The following THSD7B variants were observed in gnomAD, a reference collection of about 807,000 sequenced individuals.
THSD7B encodes the protein thrombospondin type 1 domain containing 7B.
THSD7B carries 138 observed loss-of-function variants against 213.6 expected under a neutral mutation model. That is an observed-to-expected ratio of 0.65 (90% CI 0.56 to 0.74). The LOEUF is 0.74. Among genes scored for constraint, THSD7B ranks in the 30% least tolerant of loss-of-function variants. THSD7B has a pLI of 0.00. For synonymous variants in THSD7B, 742 were observed against 687.0 expected (o/e 1.08, Z -1.25); for missense variants, 1,931 against 1,991.5 (o/e 0.97, Z 0.58).
intron 18 of THSD7B, 141 bp from the exon 19 acceptor site, chr2:137,618,251 A>G: frequency 1.5e-6 from 1 of 648,134 alleles, no homozygotes; most frequent in Non-Finnish European, 2.6e-6. Context: ...GCATTGCATG[A>G]TGATTCCCAA....
chr2:137,456,338 T>C (rs1442944372), intron 15 of THSD7B, among the ~76,000 whole-genome samples: 1 of 152,266 alleles, frequency 6.6e-6, no homozygotes, highest in Non-Finnish European at 1.5e-5. Flanking sequence ...AAGTAGCTTA[T>C]GCTCATTCTG....
intron 1 of THSD7B, among the ~76,000 whole-genome samples, chr2:136,792,823 G>A (rs1681993174): frequency 6.6e-6 from 1 of 151,842 alleles, no homozygotes; most frequent in South Asian, 2.1e-4. Flanking sequence ...AAATTTTATA[G>A]AAATGGAATC....
intron 2 of THSD7B, among the ~76,000 whole-genome samples, chr2:137,009,108 T>C (rs970180234): frequency 6.6e-6 from 1 of 152,184 alleles, no homozygotes; most frequent in African/African-American, 2.4e-5. Flanking sequence ...TAGATTAATT[T>C]TGACATAAGA....
intron 12 of THSD7B, among the ~76,000 whole-genome samples, chr2:137,286,522 C>A (rs1008114313): frequency 1.3e-5 from 2 of 152,120 alleles, no homozygotes; most frequent in African/African-American, 2.4e-5. Context: ...ATGGAAGACA[C>A]CATAGTCACT....
At chr2:137,214,293 C>T (rs1242209566) in intron 7 of THSD7B, among the ~76,000 whole-genome samples, 1 of 152,070 alleles carries the variant, frequency 6.6e-6, no homozygotes, top group African/African-American at 2.4e-5. Context: ...CATCAAGTTG[C>T]TGACATCAGA....
At chr2:137,173,663 G>T (rs769442002) in intron 7 of THSD7B, among the ~76,000 whole-genome samples, 9 of 152,302 alleles carry the variant, frequency 5.9e-5, no homozygotes, top group South Asian at 2.1e-4. Flanking sequence ...GTGGGGCAAT[G>T]GCCATGGTCG....
intron 12 of THSD7B, among the ~76,000 whole-genome samples, chr2:137,284,532 C>T (rs1350845831): frequency 6.6e-6 from 1 of 152,034 alleles, no homozygotes; most frequent in Non-Finnish European, 1.5e-5. Flanking sequence ...CTCTTGTGGG[C>T]ATTTAGTGCT....
intron 2 of THSD7B, among the ~76,000 whole-genome samples, chr2:136,993,548 C>A (rs748370530): frequency 3.7e-4 from 57 of 152,096 alleles, no homozygotes; most frequent in Non-Finnish European, 6.5e-4. Context: ...GAAAATGTAA[C>A]CATATAGGGA....
At chr2:137,214,371 G>T (rs1681187294) in intron 7 of THSD7B, among the ~76,000 whole-genome samples, 1 of 152,068 alleles carries the variant, frequency 6.6e-6, no homozygotes, top group Non-Finnish European at 1.5e-5. Flanking sequence ...TCTCTAGCTG[G>T]TATGTAATAA....
intron 1 of THSD7B, among the ~76,000 whole-genome samples, chr2:136,766,583 G>C (rs1293105582): frequency 6.6e-6 from 1 of 152,228 alleles, no homozygotes; most frequent in Non-Finnish European, 1.5e-5. Flanking sequence ...GAATGTTGAG[G>C]AGGGGGCGTT....
At chr2:136,849,275 A>T (rs978261748) in intron 1 of THSD7B, among the ~76,000 whole-genome samples, 1 of 152,136 alleles carries the variant, frequency 6.6e-6, no homozygotes, top group South Asian at 2.1e-4. Context: ...ATTGCTCACT[A>T]TACTCTGCCA....
At chr2:137,414,553 T>C (rs1262303746) in intron 14 of THSD7B, among the ~76,000 whole-genome samples, 2 of 151,674 alleles carry the variant, frequency 1.3e-5, no homozygotes, top group African/African-American at 4.8e-5. Context: ...GACTTGCCTC[T>C]AGAAAAAATA....
At position 137,553,837 on chromosome 2, in the gene THSD7B, C is replaced by T. The variant is rs145514462; in HGVS notation, c.3139-9384C>T. Among the ~76,000 whole-genome samples, 952 of 152,176 alleles carry T rather than the reference C, an allele frequency of 6.3e-3. 5 individuals carry two copies. Among genetic ancestry groups the T allele is most frequent in the African/African-American group, 0.012 (483 of 41,510 alleles). On this transcript the variant is annotated intron_variant, in intron 15 of 27. Coordinates refer to ENST00000409968, the MANE Select transcript of THSD7B (RefSeq NM_001316349.2). ...ATAATAAGCACCAACTAAACAGCAA[C>T]GTAAAATAGGCAGAGCATAAAAGAC...
At chr2:136,799,459 C>T (rs924410099) in intron 1 of THSD7B, among the ~76,000 whole-genome samples, 8 of 151,994 alleles carry the variant, frequency 5.3e-5, no homozygotes, top group African/African-American at 1.7e-4. Flanking sequence ...TCCATCTTCA[C>T]CATCAAATCC....
chr2:137,592,547 G>A (rs1573731179), intron 17 of THSD7B, among the ~76,000 whole-genome samples: 1 of 151,850 alleles, frequency 6.6e-6, no homozygotes, highest in South Asian at 2.1e-4. Flanking sequence ...GTGCTTTAGT[G>A]CATTCTGAGA....
intron 22 of THSD7B, 83 bp downstream of exon 22, chr2:137,655,743 C>A (rs770218227): frequency 5.6e-5 from 78 of 1,397,452 alleles, no homozygotes; most frequent in Non-Finnish European, 6.9e-5. Flanking sequence ...GATGCTCTAG[C>A]TCATCAAAAT....
chr2:137,129,032 T>C (rs1688676389), intron 5 of THSD7B, among the ~76,000 whole-genome samples: 1 of 152,164 alleles, frequency 6.6e-6, no homozygotes, highest in South Asian at 2.1e-4. Context: ...GGTTCTTACA[T>C]CTTATATAAG....
intron 22 of THSD7B, among the ~76,000 whole-genome samples, chr2:137,656,471 C>T (rs1316594785): frequency 6.6e-6 from 1 of 152,130 alleles, no homozygotes; most frequent in African/African-American, 2.4e-5. Flanking sequence ...TCTTTGAACA[C>T]TGAGTTACCA....
chr2:137,025,247 A>G (rs372373850), intron 2 of THSD7B, among the ~76,000 whole-genome samples: 6 of 152,196 alleles, frequency 3.9e-5, no homozygotes, highest in Admixed American at 1.3e-4. Flanking sequence ...AAATTGGTCT[A>G]TATCTTAAGA....
Sources: allele counts gnomAD v4.1 joint callset (sites outside exome capture counted in the v4.1 genomes callset), GRCh38; gene constraint gnomAD v4.1.1; transcripts MANE v1.5; gene names NCBI Gene and HGNC (gene_info 2026-07-23, HGNC 2026-07-21).